Variants in EPG5 observed in about 807,000 individuals in gnomAD.
The protein encoded by EPG5 is ectopic P granules protein 5 homolog.
EPG5 carries 159 observed loss-of-function variants against 302.7 expected under a neutral mutation model. The ratio of observed to expected loss-of-function variants is 0.53; its 90% CI spans 0.46 to 0.60. The LOEUF (loss-of-function observed/expected upper bound fraction) is 0.60, where lower values mean the gene tolerates loss of function less well. Among genes scored for constraint, EPG5 ranks in the 20% least tolerant of loss-of-function variants. The pLI is 0.00. For synonymous variants in EPG5, 1,158 were observed against 1,136.8 expected (o/e 1.02, Z -0.37); for missense variants, 2,896 against 3,092.4 (o/e 0.94, Z 1.51).
chr18:45,843,002 C>A (rs2048338052), downstream of EPG5: 1 of 152,330 alleles, frequency 6.6e-6, no homozygotes, highest in Non-Finnish European at 1.5e-5. Flanking sequence ...CTGTCCCACA[C>A]CCTCTGCCCA....
chr18:45,941,147 A>T (rs2050656753), intron 9 of EPG5, among the ~76,000 whole-genome samples: 1 of 152,220 alleles, frequency 6.6e-6, no homozygotes, highest in Non-Finnish European at 1.5e-5. Context: ...TAACATTAAG[A>T]AGCCTGGAAG....
chr18:45,838,993 G>A, the EPG5 span: 3 of 1,596,980 alleles, frequency 1.9e-6, no homozygotes, highest in Non-Finnish European at 2.5e-6. Flanking sequence ...CTTCCATGGC[G>A]CCAGCGGGGC....
intron 24 of EPG5, among the ~76,000 whole-genome samples, chr18:45,904,654 G>A (rs1005482540): frequency 6.6e-6 from 1 of 152,042 alleles, no homozygotes; most frequent in African/African-American, 2.4e-5. Context: ...AGGGATAAGG[G>A]GAGGACTTGT....
At position 45,912,393 on chromosome 18, in the gene EPG5, A is replaced by C; in HGVS notation, c.3880T>G (p.Trp1294Gly). 6.2e-7 allele frequency: 1 copy of C among 1,611,358 alleles called. No homozygotes were observed. Among genetic ancestry groups the C allele is most frequent in the Non-Finnish European group, 8.5e-7 (1 of 1,179,136 alleles). The change falls in exon 22 of 44, where the codon TGG becomes GGG. Residue 1294 changes from tryptophan to glycine, a missense_variant. Coordinates refer to ENST00000282041, the MANE Select transcript of EPG5 (RefSeq NM_020964.3). The stretch of plus-strand genomic sequence containing the variant: ...GGTGTGACCAGAGCCTGGTGGGCCC[A>C]GCGATAAATCAGCAGCCTCTGGAGG... Reference protein sequence around the residue: ...PSLQRLLIYRWAHQALVTPSD... With the variant: ...PSLQRLLIYRGAHQALVTPSD...
At position 45,916,548 on chromosome 18, in the gene EPG5, C is replaced by T; in HGVS notation, c.3274G>A (p.Asp1092Asn). 2 of 1,609,966 alleles carry T rather than the reference C, an allele frequency of 1.2e-6. No homozygotes were observed. The highest frequency in any genetic ancestry group is 1.7e-6 in the Non-Finnish European group (2 of 1,176,624). Residue 1092 changes from aspartate to asparagine, a missense_variant, in exon 18 of 44, where the codon GAC (aspartate) becomes AAC (asparagine). This residue lies in a region of EPG5 where 1,390 missense variants were observed against 1,430.0 expected (regional missense o/e 0.97). Transcript: ENST00000282041. ...GTGACACCCTGAGGGACACCGCTGTCCAAGTGTAGGAACAAGAGGAGATGC... is the reference window on the plus strand; with the variant it reads ...GTGACACCCTGAGGGACACCGCTGTTCAAGTGTAGGAACAAGAGGAGATGC... ...LSHLLLFLHL[D>N]SGVPQGVTQQ...
At chr18:45,837,514 C>A in the EPG5 span, 1 of 1,493,532 alleles carries the variant, frequency 6.7e-7, no homozygotes, top group East Asian at 2.7e-5. Context: ...CGCCCTCAGG[C>A]TCGCCAGCGC....
rs548022736 is a variant in EPG5 at position 45,922,658 on chromosome 18, T to G, written c.2839-58A>C. On this transcript the variant is annotated intron_variant, in intron 15 of 43. Transcript: ENST00000282041. Reference sequence around the variant, plus strand: ...TCACACACAAATTAAATCAGTAAGCTCATACACTCATCTCCTTTTGTGACC... The same window carrying G: ...TCACACACAAATTAAATCAGTAAGCGCATACACTCATCTCCTTTTGTGACC... The G allele has an allele frequency of 1.1e-5, 17 of 1,569,970 alleles. No individual in the cohort carries two copies. The South Asian group carries it at 2.0e-4, about 18-fold the overall frequency.
intron 34 of EPG5, among the ~76,000 whole-genome samples, 187 bp downstream of exon 34, chr18:45,878,189 G>A (rs1162788907): frequency 2.0e-5 from 3 of 152,156 alleles, no homozygotes; most frequent in Non-Finnish European, 2.9e-5. Flanking sequence ...TAATATCTCT[G>A]ATGATCCAGA....
At chr18:45,836,710 C>CA in the EPG5 span, among the ~76,000 whole-genome samples, 1 of 152,252 alleles carries the variant, frequency 6.6e-6, no homozygotes, top group South Asian at 2.1e-4. Context: ...CCTGCCCAGG[C>CA]ACTAGGGAAG....
the EPG5 span, among the ~76,000 whole-genome samples, chr18:45,820,410 C>A: frequency 6.6e-6 from 1 of 152,318 alleles, no homozygotes; most frequent in South Asian, 2.1e-4. Context: ...GCTTCCTAAC[C>A]ACCCAAGCCT....
At chr18:45,806,906 C>G in the EPG5 span, among the ~76,000 whole-genome samples, 1 of 152,120 alleles carries the variant, frequency 6.6e-6, no homozygotes, top group African/African-American at 2.4e-5. Flanking sequence ...TGTGCAGACT[C>G]CACAGGCAGG....
At position 45,954,827 on chromosome 18, in the gene EPG5, G is replaced by A; in HGVS notation, c.575C>T (p.Pro192Leu). ...AGAACTCTGCAAGCCAACATTCTGT[G>A]GCACCTCTGAAGAACAAACCAGGCC... is the stretch of plus-strand genomic sequence containing the variant. The part of the protein sequence containing the change: ...KQGLVCSSEV[P>L]QNVGLQSSCP... Residue 192 changes from proline to leucine, a missense_variant, in exon 2 of 44, where the codon CCA becomes CTA. This residue lies in a region of EPG5 where 1,390 missense variants were observed against 1,430.0 expected (regional missense o/e 0.97). Coordinates refer to ENST00000282041, the MANE Select transcript of EPG5 (RefSeq NM_020964.3). 6.2e-7 allele frequency: 1 copy of A among 1,614,196 alleles called. No homozygotes were observed.
At chr18:45,933,643 A>G (rs575715216) in intron 11 of EPG5, among the ~76,000 whole-genome samples, 234 of 151,278 alleles carry the variant, frequency 1.5e-3, no homozygotes, top group African/African-American at 5.3e-3. Context: ...GCACCACTGC[A>G]CTCCAGCCGG....
chr18:45,888,909 CT>C (rs1258653488), intron 28 of EPG5, among the ~76,000 whole-genome samples: 1 of 152,116 alleles, frequency 6.6e-6, no homozygotes, highest in East Asian at 1.9e-4. Context: ...ACACAAAACC[CT>C]GATTTCTCTA....
the EPG5 span, among the ~76,000 whole-genome samples, chr18:45,827,402 G>T: frequency 6.6e-6 from 1 of 152,346 alleles, no homozygotes; most frequent in East Asian, 1.9e-4. Context: ...GACAGGGAAG[G>T]AGCTATCTTT....
At chr18:45,875,752 G>A (rs914127026) in intron 35 of EPG5, among the ~76,000 whole-genome samples, 3 of 152,158 alleles carry the variant, frequency 2.0e-5, no homozygotes, top group South Asian at 4.2e-4. Flanking sequence ...ACAAAAAAAG[G>A]TAAGAAGTTA....
At chr18:45,807,063 C>G in the EPG5 span, among the ~76,000 whole-genome samples, 1 of 152,304 alleles carries the variant, frequency 6.6e-6, no homozygotes, top group Admixed American at 6.5e-5. Context: ...GAGACCAGCC[C>G]TTCGGATTAT....
At chr18:45,809,558 T>C in the EPG5 span, among the ~76,000 whole-genome samples, 1 of 152,010 alleles carries the variant, frequency 6.6e-6, no homozygotes, top group Non-Finnish European at 1.5e-5. Flanking sequence ...GGAAATCAAC[T>C]CCAAAAGGAA....
chr18:45,873,225 A>C (rs1447235965), intron 35 of EPG5, among the ~76,000 whole-genome samples: 3 of 152,198 alleles, frequency 2.0e-5, no homozygotes, highest in Non-Finnish European at 4.4e-5. Flanking sequence ...TAAGAAATTA[A>C]ATATGGCTGG....
Sources: gnomAD v4.1 joint callset for allele counts (sites outside exome capture counted in the v4.1 genomes callset) on GRCh38, gnomAD v4.1.1 for gene constraint, gnomAD v4.1.1 regional missense constraint, MANE v1.5 for transcripts, NCBI Gene and HGNC (gene_info 2026-07-23, HGNC 2026-07-21) for gene names.